CALB2: variants seen among roughly 807,000 people sequenced by gnomAD.
CALB2 encodes the protein calretinin.
A neutral mutation model predicts 45.9 loss-of-function variants in CALB2; 34 were observed. The ratio of observed to expected loss-of-function variants is 0.74; its 90% CI spans 0.56 to 0.99. CALB2 has a LOEUF of 0.99. CALB2 is among the 50% of genes least tolerant of loss of function. The pLI, the probability that CALB2 is intolerant of heterozygous loss-of-function variation, is 0.00. For missense variants in CALB2, 344 were observed against 339.3 expected (o/e 1.01, Z -0.11); for synonymous variants, 142 against 129.6 (o/e 1.10, Z -0.65).
intron 3 of CALB2, among the ~76,000 whole-genome samples, chr16:71,377,197 G>A (rs893805619): frequency 6.6e-6 from 1 of 152,176 alleles, no homozygotes; most frequent in Non-Finnish European, 1.5e-5. Context: ...GCATCCATTT[G>A]AAGTGTAAAA....
At chr16:71,366,022 CTCTTT>C (rs1462337211) in intron 1 of CALB2, among the ~76,000 whole-genome samples, 14 of 50,542 alleles carry the variant, frequency 2.8e-4, no homozygotes, top group African/African-American at 8.0e-4. Flanking sequence ...CCCTCTCTCT[CTCTTT>C]TTTTTTTTTT....
intron 10 of CALB2, among the ~76,000 whole-genome samples, chr16:71,386,283 G>A (rs1046934608): frequency 6.6e-6 from 1 of 152,182 alleles, no homozygotes; most frequent in African/African-American, 2.4e-5. Flanking sequence ...TGGCTGTTGT[G>A]GGGGATGCTG....
At chr16:71,377,887 C>T in intron 4 of CALB2, 140 bp downstream of exon 4, 1 of 608,274 alleles carries the variant, frequency 1.6e-6, no homozygotes, top group Non-Finnish European at 2.9e-6. Flanking sequence ...AAAGTGTGGT[C>T]CGTGGACCGG....
At chr16:71,380,287 CTTTTCTTTTTTTTTTTTTT>C (rs1305385981) in intron 4 of CALB2, among the ~76,000 whole-genome samples, 5 of 87,118 alleles carry the variant, frequency 5.7e-5, no homozygotes, top group Admixed American at 1.7e-4. Flanking sequence ...TCTTTCCTTC[CTTTTCTTTTTTTTTTTTTT>C]TTTTTTTTTT....
intron 2 of CALB2, 79 bp downstream of exon 2, chr16:71,372,308 G>C (rs889173678): frequency 1.0e-6 from 1 of 972,676 alleles, no homozygotes; most frequent in African/African-American, 1.7e-5. Flanking sequence ...AGTTATGTAT[G>C]CCATAAGCAG....
intron 4 of CALB2, among the ~76,000 whole-genome samples, chr16:71,382,161 TAAAG>T (rs1384510935): frequency 4.0e-5 from 5 of 125,920 alleles, no homozygotes; most frequent in South Asian, 3.0e-4. Flanking sequence ...GGAAAGAAAA[TAAAG>T]GAAGGAAGGA....
At chr16:71,389,718 C>A (rs1260233554) in intron 10 of CALB2, 31 bp from the exon 11 acceptor site, 2 of 1,549,174 alleles carry the variant, frequency 1.3e-6, no homozygotes, top group Admixed American at 1.7e-5. Flanking sequence ...ATCCCCTGAA[C>A]CTGCTCTTAC....
chr16:71,376,666 C>A (rs1406595317), intron 3 of CALB2, among the ~76,000 whole-genome samples: 1 of 152,102 alleles, frequency 6.6e-6, no homozygotes, highest in East Asian at 1.9e-4. Context: ...CAGCCATATA[C>A]ACCCACATAC....
intron 1 of CALB2, among the ~76,000 whole-genome samples, chr16:71,361,122 C>T (rs2042234499): frequency 6.6e-6 from 1 of 152,156 alleles, no homozygotes; most frequent in East Asian, 1.9e-4. Context: ...CCTCCTGCTC[C>T]GGGGTGAAGG....
At position 71,390,078 on chromosome 16, in the gene CALB2, C is replaced by T. The variant is rs1332017990; in HGVS notation, c.*213C>T. On this transcript the variant is annotated 3_prime_UTR_variant, in exon 11 of 11. Coordinates refer to ENST00000302628, the MANE Select transcript of CALB2 (RefSeq NM_001740.5). Reference sequence around the variant, plus strand: ...CACCCCTGCCCAGGCAGTCTTTGCTCAGTGGATCACACACATGGAAGGTGA... The same window carrying T: ...CACCCCTGCCCAGGCAGTCTTTGCTTAGTGGATCACACACATGGAAGGTGA... 2 of 561,620 alleles carry T rather than the reference C, an allele frequency of 3.6e-6. No homozygotes were observed. The highest frequency in any genetic ancestry group is 6.4e-6 in the Non-Finnish European group (2 of 313,390). The allele number at this position is 561,620 out of a possible 1,614,324, so 34.8% of individuals were successfully genotyped here. A position where few individuals can be genotyped will look rare whatever the true frequency, so the allele number is the denominator to read the frequency against.
chr16:71,387,887 G>C (rs2042588318), intron 10 of CALB2, among the ~76,000 whole-genome samples: 1 of 152,068 alleles, frequency 6.6e-6, no homozygotes. Flanking sequence ...GTGCCCTTGG[G>C]TTTTCATGGC....
At chr16:71,360,640 T>C (rs777703577) in intron 1 of CALB2, among the ~76,000 whole-genome samples, 10 of 152,172 alleles carry the variant, frequency 6.6e-5, no homozygotes, top group Non-Finnish European at 1.5e-4. Context: ...AACAGAGGAC[T>C]CTATAGTTCT....
At chr16:71,384,145 A>G in intron 7 of CALB2, 120 bp downstream of exon 7, 1 of 1,185,936 alleles carries the variant, frequency 8.4e-7, no homozygotes, top group Admixed American at 1.7e-5. Context: ...GCTCAAGACA[A>G]AGCAAGATAG....
chr16:71,383,477 G>C (rs747351423), intron 6 of CALB2, 33 bp downstream of exon 6: 2 of 1,601,416 alleles, frequency 1.2e-6, no homozygotes, highest in Non-Finnish European at 1.7e-6. Context: ...CTCCCCCAGG[G>C]TGCAGGACTT....
At chr16:71,388,346 A>AAAAAAAAAAAAG (rs1555527413) in intron 10 of CALB2, among the ~76,000 whole-genome samples, 9 of 137,146 alleles carry the variant, frequency 6.6e-5, no homozygotes, top group African/African-American at 2.4e-4. Flanking sequence ...AAAAAAAAAA[A>AAAAAAAAAAAAG]AAAAAGAAAA....
intron 8 of CALB2, 36 bp from the exon 9 acceptor site, chr16:71,384,747 C>T (rs752270482): frequency 8.6e-7 from 1 of 1,161,904 alleles, no homozygotes; most frequent in Admixed American, 2.9e-5. Flanking sequence ...CACCACTGCG[C>T]TTCTGCTTCT....
At chr16:71,360,245 G>A (rs1296276496) in intron 1 of CALB2, among the ~76,000 whole-genome samples, 1 of 152,204 alleles carries the variant, frequency 6.6e-6, no homozygotes, top group Non-Finnish European at 1.5e-5. Context: ...GGAGGCAGGG[G>A]TTAATGTCTG....
chr16:71,377,547 G>C (rs1401813940), intron 3 of CALB2, 120 bp from the exon 4 acceptor site: 1 of 673,642 alleles, frequency 1.5e-6, no homozygotes, highest in East Asian at 2.7e-5. Context: ...AAGGAAGGAA[G>C]AAAACGCAAT....
intron 4 of CALB2, among the ~76,000 whole-genome samples, chr16:71,378,217 T>A (rs1437334042): frequency 2.0e-5 from 3 of 151,464 alleles, no homozygotes; most frequent in Non-Finnish European, 4.4e-5. Context: ...AGAGAGAGAC[T>A]CCGTCTCAAA....
Sources: allele counts gnomAD v4.1 joint callset (sites outside exome capture counted in the v4.1 genomes callset), GRCh38; gene constraint gnomAD v4.1.1; transcripts MANE v1.5; gene names NCBI Gene and HGNC (gene_info 2026-07-23, HGNC 2026-07-21).